The following ELOVL6 variants were observed in gnomAD, a reference collection of about 807,000 sequenced individuals.
ELOVL6 encodes the protein very long chain fatty acid elongase 6.
ELOVL6 carries 8 observed loss-of-function variants against 31.7 expected under a neutral mutation model. The ratio of observed to expected loss-of-function variants is 0.25; its 90% confidence interval spans 0.15 to 0.45. The LOEUF is 0.45. ELOVL6 is among the 20% of genes least tolerant of loss of function. The pLI is 1.00. For missense variants in ELOVL6, 126 were observed against 326.4 expected (o/e 0.39, Z 4.73); for synonymous variants, 101 against 117.7 (o/e 0.86, Z 0.92).
intron 1 of ELOVL6, among the ~76,000 whole-genome samples, chr4:110,142,346 C>G (rs1757989981): frequency 6.6e-6 from 1 of 152,078 alleles, no homozygotes; most frequent in Admixed American, 6.6e-5. Flanking sequence ...CACCCGGCCA[C>G]CCCTTACTAA....
At chr4:110,115,675 TAA>T (rs1173783910) in intron 1 of ELOVL6, among the ~76,000 whole-genome samples, 1 of 152,176 alleles carries the variant, frequency 6.6e-6, no homozygotes, top group Non-Finnish European at 1.5e-5. Context: ...TTCAGTGACA[TAA>T]GAGGATAAAG....
At chr4:110,171,363 C>T (rs774464840) in intron 1 of ELOVL6, among the ~76,000 whole-genome samples, 2 of 151,810 alleles carry the variant, frequency 1.3e-5, no homozygotes, top group South Asian at 4.2e-4. Context: ...GAGCCAAGAT[C>T]GCGCCATTGC....
chr4:110,189,592 C>CAAAAAAAAAA (rs761765202), intron 1 of ELOVL6, among the ~76,000 whole-genome samples: 1 of 75,342 alleles, frequency 1.3e-5, no homozygotes, highest in Non-Finnish European at 2.3e-5. Context: ...GACTCTGTCT[C>CAAAAAAAAAA]AAAAAAAAAA....
At chr4:110,178,151 T>C (rs1282913081) in intron 1 of ELOVL6, among the ~76,000 whole-genome samples, 1 of 152,210 alleles carries the variant, frequency 6.6e-6, no homozygotes, top group African/African-American at 2.4e-5. Flanking sequence ...TACAGTTTGG[T>C]GCAGGAAGTA....
intron 1 of ELOVL6, among the ~76,000 whole-genome samples, chr4:110,148,322 T>C (rs1463974003): frequency 2.0e-5 from 3 of 152,020 alleles, no homozygotes; most frequent in Non-Finnish European, 2.9e-5. Context: ...AAAAAATACA[T>C]GTACAACATG....
At position 110,176,310 on chromosome 4, in the gene ELOVL6, A is replaced by C. The variant is rs907997804; in HGVS notation, c.89+21937T>G. 4.6e-5 allele frequency among the ~76,000 whole-genome samples: 7 copies of C among 152,050 alleles called. No homozygotes were observed. The East Asian group carries it at 1.4e-3, about 30-fold the overall frequency. ...CTCAAGTAGCTGGGACTACAGGCAC[A>C]TACCATCACACCTGGATAATTTTTG... On this transcript the variant is annotated intron_variant, in intron 1 of 3. Coordinates refer to ENST00000302274, the MANE Select transcript of ELOVL6 (RefSeq NM_024090.3).
intron 1 of ELOVL6, among the ~76,000 whole-genome samples, chr4:110,170,481 A>G (rs1399940333): frequency 3.9e-5 from 6 of 152,254 alleles, no homozygotes; most frequent in Non-Finnish European, 8.8e-5. Flanking sequence ...CAGTGAAAAA[A>G]TTAAGTTGCC....
intron 1 of ELOVL6, among the ~76,000 whole-genome samples, chr4:110,171,790 C>T (rs565628607): frequency 7.0e-6 from 1 of 142,002 alleles, no homozygotes; most frequent in African/African-American, 2.6e-5. Context: ...GCCTCCTGTG[C>T]TCTTTCCTCC....
chr4:110,145,445 C>T (rs1399902031), intron 1 of ELOVL6, among the ~76,000 whole-genome samples: 7 of 152,178 alleles, frequency 4.6e-5, no homozygotes, highest in Non-Finnish European at 1.0e-4. Flanking sequence ...CTGAGCAGTT[C>T]CCATAGTAAA....
At chr4:110,137,242 G>T (rs1489775414) in intron 1 of ELOVL6, among the ~76,000 whole-genome samples, 1 of 152,180 alleles carries the variant, frequency 6.6e-6, no homozygotes, top group Non-Finnish European at 1.5e-5. Context: ...CTCTGAGCCT[G>T]GATTAAATCT....
rs1218355537 is a variant in ELOVL6 at position 110,051,040 on chromosome 4, C to T, written c.*298G>A. On this transcript the variant is annotated 3_prime_UTR_variant, in exon 4 of 4. Coordinates refer to ENST00000302274, the MANE Select transcript of ELOVL6 (RefSeq NM_024090.3). This position sits in a 1 kb window ranked among gnomAD's most constrained non-coding sequence, Gnocchi z 4.8. Reference sequence around the variant, plus strand: ...CCTTTGTTTGCCTTTGATTAGTCTCCTCTGCTTCTGGCTTGCTTTTGTTCT... The same window carrying T: ...CCTTTGTTTGCCTTTGATTAGTCTCTTCTGCTTCTGGCTTGCTTTTGTTCT... 2.8e-6 allele frequency: 1 copy of T among 359,372 alleles called. No homozygotes were observed. Among genetic ancestry groups the T allele is most frequent in the East Asian group, 5.5e-5 (1 of 18,036 alleles). 22.3% of individuals were successfully genotyped at this position (359,372 alleles called of 1,614,324 possible).
chr4:110,162,395 G>C (rs1408160000), intron 1 of ELOVL6, among the ~76,000 whole-genome samples: 1 of 152,200 alleles, frequency 6.6e-6, no homozygotes, highest in Non-Finnish European at 1.5e-5. Context: ...GCCCAGGCTG[G>C]AGTGCAGTGG....
At chr4:110,197,291 T>C (rs1307119337) in intron 1 of ELOVL6, among the ~76,000 whole-genome samples, 2 of 152,206 alleles carry the variant, frequency 1.3e-5, no homozygotes, top group Admixed American at 6.5e-5. Context: ...AGAAGCGAGA[T>C]GAGCACACCC....
Position 110,175,903 on chromosome 4 carries a change from T to C in ELOVL6, c.89+22344A>G, listed in dbSNP as rs572556295. ...ACAGAGCTTTCTCAATGTGGGGTCATGTTTTAGGATCTCATGTCATGTAAT... is the reference window on the plus strand; with the variant it reads ...ACAGAGCTTTCTCAATGTGGGGTCACGTTTTAGGATCTCATGTCATGTAAT... On this transcript the variant is annotated intron_variant, in intron 1 of 3. Coordinates refer to ENST00000302274, the MANE Select transcript of ELOVL6 (RefSeq NM_024090.3). Among the ~76,000 whole-genome samples the C allele has an allele frequency of 3.3e-5, 5 of 152,308 alleles. No individual in the cohort carries two copies. The South Asian group carries it at 6.2e-4, about 19-fold the overall frequency.
At position 110,133,913 on chromosome 4, in the gene ELOVL6, C is replaced by G. The variant is rs551867027; in HGVS notation, c.90-28285G>C. Reference sequence around the variant, plus strand: ...ATCCAAAATGACAATTACCAGAAGCCTGTTTACATACGTTTAGAAAAGTAG... The same window carrying G: ...ATCCAAAATGACAATTACCAGAAGCGTGTTTACATACGTTTAGAAAAGTAG... On this transcript the variant is annotated intron_variant, in intron 1 of 3. Transcript: ENST00000302274. 3.9e-5 allele frequency among the ~76,000 whole-genome samples: 6 copies of G among 152,244 alleles called. No homozygotes were observed. In the East Asian group the frequency reaches 9.6e-4, roughly 24 times the overall value.
chr4:110,069,131 A>AATAAT (rs1755390873), intron 2 of ELOVL6, among the ~76,000 whole-genome samples: 3 of 133,698 alleles, frequency 2.2e-5, no homozygotes, highest in African/African-American at 8.7e-5. Context: ...CTCTGTCTCC[A>AATAAT]AATAATAATA....
At position 110,084,200 on chromosome 4, in the gene ELOVL6, G is replaced by GATAT. The variant is rs1338789249; in HGVS notation, c.221+21293_221+21296dup. On this transcript the variant is annotated intron_variant, in intron 2 of 3. Coordinates refer to ENST00000302274, the MANE Select transcript of ELOVL6 (RefSeq NM_024090.3). ...GATATATATAACATATAACTTATAT[G>GATAT]ATATATATAACATATAACTTATATG... Among the ~76,000 whole-genome samples, 12 of 66,288 alleles carry GATAT rather than the reference G, an allele frequency of 1.8e-4. 2 individuals carry two copies. The highest frequency in any genetic ancestry group is 2.7e-4 in the Non-Finnish European group (10 of 36,634). 43.5% of individuals were successfully genotyped at this position (66,288 alleles called of 152,430 possible).
At chr4:110,084,027 CATATATGGTATATAACACATGCT>C (rs1756011808) in intron 2 of ELOVL6, among the ~76,000 whole-genome samples, 1 of 7,224 alleles carries the variant, frequency 1.4e-4, no homozygotes, top group Non-Finnish European at 2.6e-4. Context: ...TAACATATGC[CATATATGGTATATAACACATGCT>C]ATATATGATA....
At chr4:110,058,129 T>C (rs1755045549) in intron 3 of ELOVL6, among the ~76,000 whole-genome samples, 1 of 152,218 alleles carries the variant, frequency 6.6e-6, no homozygotes, top group South Asian at 2.1e-4. Flanking sequence ...TCATAAAATC[T>C]GTATTGTAAA....
Sources: allele counts gnomAD v4.1 joint callset (sites outside exome capture counted in the v4.1 genomes callset), GRCh38; gene constraint gnomAD v4.1.1; non-coding constraint Gnocchi (gnomAD v3.1); transcripts MANE v1.5; gene names NCBI Gene and HGNC (gene_info 2026-07-23, HGNC 2026-07-21).